The following VPS41 variants were observed in gnomAD, a reference collection of about 807,000 sequenced individuals.
The protein encoded by VPS41 is VPS41 subunit of HOPS complex.
A neutral mutation model predicts 130.9 loss-of-function variants in VPS41; 85 were observed. That is an observed-to-expected ratio of 0.65 (90% CI 0.55 to 0.78). The LOEUF (loss-of-function observed/expected upper bound fraction) is 0.78. VPS41 is among the 30% of genes least tolerant of loss of function. The probability of loss-of-function intolerance (pLI) is 0.00; values close to 1 mark genes in which losing one functional copy is unlikely to be tolerated. For missense variants in VPS41, 874 were observed against 1,018.7 expected (o/e 0.86, Z 1.93); for synonymous variants, 335 against 332.9 (o/e 1.01, Z -0.07).
At chr7:38,791,788 G>A (rs191566782) in intron 9 of VPS41, among the ~76,000 whole-genome samples, 2 of 152,204 alleles carry the variant, frequency 1.3e-5, no homozygotes, top group Non-Finnish European at 2.9e-5. Context: ...GCAAGGAGGG[G>A]ACTGACCTCA....
intron 7 of VPS41, among the ~76,000 whole-genome samples, chr7:38,815,968 A>G (rs1246130297): frequency 1.3e-5 from 2 of 151,964 alleles, no homozygotes; most frequent in African/African-American, 4.8e-5. Flanking sequence ...ACACACATCT[A>G]TCCTATTAAT....
chr7:38,834,471 G>A (rs1451233230), intron 4 of VPS41, among the ~76,000 whole-genome samples: 1 of 152,072 alleles, frequency 6.6e-6, no homozygotes, highest in Non-Finnish European at 1.5e-5. Context: ...GTGTGTAGGG[G>A]GAGCACACAC....
chr7:38,727,465 T>A (rs906689850), intron 27 of VPS41, among the ~76,000 whole-genome samples: 5 of 152,212 alleles, frequency 3.3e-5, no homozygotes, highest in African/African-American at 1.2e-4. Flanking sequence ...GATCCCCTCA[T>A]CTGTTCCTGC....
chr7:38,729,220 A>T (rs1166652402), intron 25 of VPS41, among the ~76,000 whole-genome samples: 1 of 152,186 alleles, frequency 6.6e-6, no homozygotes, highest in Non-Finnish European at 1.5e-5. Context: ...CTATTCCAAA[A>T]TCATCAATTT....
chr7:38,847,429 G>A (rs3801128), intron 4 of VPS41, among the ~76,000 whole-genome samples: 2 of 151,986 alleles, frequency 1.3e-5, no homozygotes, highest in Admixed American at 1.3e-4. Flanking sequence ...AGAGTGTAAT[G>A]AATTTTTTTT....
At chr7:38,750,470 C>T (rs991136035) in intron 22 of VPS41, among the ~76,000 whole-genome samples, 1 of 152,100 alleles carries the variant, frequency 6.6e-6, no homozygotes, top group Non-Finnish European at 1.5e-5. Flanking sequence ...CAGTGGGACA[C>T]GAGATAAATT....
chr7:38,850,337 G>A (rs1785825773), intron 4 of VPS41, among the ~76,000 whole-genome samples: 1 of 152,200 alleles, frequency 6.6e-6, no homozygotes, highest in Admixed American at 6.5e-5. Context: ...ATGTTCTTCT[G>A]AGAAGCACCT....
At chr7:38,817,645 A>G (rs998629778) in intron 7 of VPS41, among the ~76,000 whole-genome samples, 172 bp downstream of exon 7, 2 of 152,210 alleles carry the variant, frequency 1.3e-5, no homozygotes, top group Non-Finnish European at 2.9e-5. Flanking sequence ...AGTGAGAAAC[A>G]CTGAAGCCAC....
At chr7:38,740,632 G>A (rs1002732854) in intron 25 of VPS41, among the ~76,000 whole-genome samples, 7 of 151,968 alleles carry the variant, frequency 4.6e-5, no homozygotes, top group African/African-American at 1.5e-4. Flanking sequence ...TTGGCTTAAC[G>A]AATACCAATT....
At chr7:38,898,987 A>G (rs1787082149) in intron 1 of VPS41, among the ~76,000 whole-genome samples, 1 of 152,216 alleles carries the variant, frequency 6.6e-6, no homozygotes, top group African/African-American at 2.4e-5. Context: ...TTTAGATATA[A>G]CTAATACATT....
intron 10 of VPS41, among the ~76,000 whole-genome samples, chr7:38,777,841 A>T (rs972325423): frequency 6.6e-6 from 1 of 152,252 alleles, no homozygotes; most frequent in Non-Finnish European, 1.5e-5. Context: ...CTTCCACTAA[A>T]TTGAACTTGA....
chr7:38,838,334 T>A (rs1785538418), intron 4 of VPS41, among the ~76,000 whole-genome samples: 1 of 152,160 alleles, frequency 6.6e-6, no homozygotes, highest in African/African-American at 2.4e-5. Context: ...AAATGACTGA[T>A]TTTCCTAAAC....
chr7:38,888,642 C>G (rs1456829358), intron 2 of VPS41, among the ~76,000 whole-genome samples: 1 of 152,122 alleles, frequency 6.6e-6, no homozygotes, highest in Non-Finnish European at 1.5e-5. Context: ...ACAAGGATAT[C>G]CAGGACTTGA....
intron 18 of VPS41, among the ~76,000 whole-genome samples, chr7:38,757,676 A>G (rs1423870919): frequency 2.6e-5 from 4 of 152,134 alleles, no homozygotes; most frequent in African/African-American, 9.7e-5. Context: ...GTTTTGGGCA[A>G]AAGAAGAAAA....
chr7:38,891,182 G>A (rs1290127422), intron 2 of VPS41, among the ~76,000 whole-genome samples: 1 of 151,896 alleles, frequency 6.6e-6, no homozygotes. Context: ...TTTCATTCTG[G>A]GTTCCATAGC....
intron 10 of VPS41, among the ~76,000 whole-genome samples, chr7:38,789,353 C>G (rs112534624): frequency 3.3e-5 from 5 of 152,262 alleles, no homozygotes; most frequent in African/African-American, 1.2e-4. Flanking sequence ...GAAGACCTGA[C>G]TCAGTCAGGG....
intron 22 of VPS41, among the ~76,000 whole-genome samples, chr7:38,751,657 A>G (rs1783674896): frequency 6.6e-6 from 1 of 152,210 alleles, no homozygotes; most frequent in African/African-American, 2.4e-5. Context: ...GGAGACAGAG[A>G]CTAGTAAGCA....
chr7:38,862,751 T>C (rs1311478069), intron 3 of VPS41, 129 bp from the exon 4 acceptor site: 2 of 611,320 alleles, frequency 3.3e-6, no homozygotes, highest in Non-Finnish European at 5.7e-6. Flanking sequence ...AAGATATGCA[T>C]GCCTTGGAGA....
intron 4 of VPS41, among the ~76,000 whole-genome samples, chr7:38,837,180 GGC>G (rs879487564): frequency 0.021 from 3,240 of 152,236 alleles, 45 homozygotes; most frequent in African/African-American, 0.043. Flanking sequence ...AAAGGCAGGG[GGC>G]TGGCCAGACC....
Sources: gnomAD v4.1 joint callset for allele counts (sites outside exome capture counted in the v4.1 genomes callset) on GRCh38, gnomAD v4.1.1 for gene constraint, MANE v1.5 for transcripts, NCBI Gene and HGNC (gene_info 2026-07-23, HGNC 2026-07-21) for gene names.